The following TENT2 variants were observed in gnomAD, a reference collection of about 807,000 sequenced individuals.
TENT2 encodes poly(A) RNA polymerase GLD2.
TENT2 carries 44 observed loss-of-function variants against 72.2 expected under a neutral mutation model. The ratio of observed to expected loss-of-function variants is 0.61; its 90% CI spans 0.48 to 0.78. The LOEUF (loss-of-function observed/expected upper bound fraction) is 0.78. TENT2 is among the 30% of genes least tolerant of loss of function. TENT2 has a pLI of 0.00. For missense variants in TENT2, 541 were observed against 569.6 expected, an observed-to-expected ratio of 0.95 and a Z score of 0.51; for synonymous variants, 212 against 192.5, an observed-to-expected ratio of 1.10 and a Z score of -0.84.
chr5:79,641,007 C>T (rs1784025782), intron 5 of TENT2, 42 bp downstream of exon 5: 6 of 1,490,760 alleles, frequency 4.0e-6, no homozygotes, highest in Non-Finnish European at 5.4e-6. Context: ...TATATGCATT[C>T]CTATTTTAAA....
intron 1 of TENT2, among the ~76,000 whole-genome samples, chr5:79,619,194 T>G (rs530033066): frequency 1.3e-5 from 2 of 152,326 alleles, no homozygotes; most frequent in East Asian, 3.9e-4. Flanking sequence ...CCATTCCTTA[T>G]TTGATCAGAC....
intron 14 of TENT2, among the ~76,000 whole-genome samples, chr5:79,684,628 T>G (rs1319221106): frequency 6.6e-6 from 1 of 152,234 alleles, no homozygotes; most frequent in Non-Finnish European, 1.5e-5. Context: ...GAAATAATCC[T>G]CTCTTCTCAA....
At chr5:79,618,968 C>T (rs1171010690) in intron 1 of TENT2, among the ~76,000 whole-genome samples, 1 of 152,124 alleles carries the variant, frequency 6.6e-6, no homozygotes, top group African/African-American at 2.4e-5. Context: ...TTACTTTATC[C>T]TATCCTTTGC....
chr5:79,641,063 T>C, intron 5 of TENT2, 42 bp from the exon 6 acceptor site: 1 of 1,523,940 alleles, frequency 6.6e-7, no homozygotes, highest in Non-Finnish European at 8.8e-7. Context: ...TGCACCTACT[T>C]TAGATTTTAA....
At chr5:79,621,943 T>C (rs2149972563) in intron 3 of TENT2, among the ~76,000 whole-genome samples, 1 of 152,204 alleles carries the variant, frequency 6.6e-6, no homozygotes, top group South Asian at 2.1e-4. Flanking sequence ...TGAGTAGGGG[T>C]TCCACTTATT....
intron 7 of TENT2, among the ~76,000 whole-genome samples, chr5:79,644,095 C>G (rs753480142): frequency 1.3e-5 from 2 of 151,866 alleles, no homozygotes; most frequent in Non-Finnish European, 2.9e-5. Context: ...GATTCTCATG[C>G]CTCAGCCTCC....
At chr5:79,672,114 CAAA>C (rs1813414920) in intron 12 of TENT2, among the ~76,000 whole-genome samples, 1 of 146,170 alleles carries the variant, frequency 6.8e-6, no homozygotes, top group South Asian at 2.1e-4. Flanking sequence ...AAAAAAAAAA[CAAA>C]AAACTATTTT....
chr5:79,654,372 A>G (rs1343430445), intron 10 of TENT2, among the ~76,000 whole-genome samples: 1 of 152,168 alleles, frequency 6.6e-6, no homozygotes, highest in African/African-American at 2.4e-5. Flanking sequence ...CGGAGGTTGC[A>G]GTGAGCCTAG....
chr5:79,664,674 G>C (rs1372902678), intron 11 of TENT2, among the ~76,000 whole-genome samples: 1 of 151,688 alleles, frequency 6.6e-6, no homozygotes, highest in East Asian at 1.9e-4. Context: ...TTTAAAGTTG[G>C]CACTACCTGA....
Position 79,623,378 on chromosome 5 carries a change from A to T in TENT2, c.354A>T (p.Pro118=). The T allele has an allele frequency of 6.2e-7, 1 of 1,613,626 alleles. No homozygotes were observed. ...CAGGTGAACGAAGATACTCAATGCC[A>T]CCATTGTTTCATACACATTATGTAC... ...PLSGERRYSM[P]PLFHTHYVPD... is the part of the protein sequence containing the mutation. The change falls in exon 4 of 15, where the codon CCA becomes CCT. Residue 118 remains proline, a synonymous_variant. Transcript: ENST00000453514.
intron 4 of TENT2, among the ~76,000 whole-genome samples, chr5:79,626,689 T>A (rs944955688): frequency 7.3e-5 from 11 of 150,570 alleles, no homozygotes; most frequent in African/African-American, 2.7e-4. Flanking sequence ...CTTGAACTCC[T>A]GGCCTCAAGT....
intron 11 of TENT2, among the ~76,000 whole-genome samples, chr5:79,666,078 TC>T (rs1056112300): frequency 2.6e-5 from 4 of 151,332 alleles, no homozygotes; most frequent in African/African-American, 9.7e-5. Context: ...AACCTCCACC[TC>T]CCGGATTCAA....
At chr5:79,624,073 C>G (rs1037736194) in intron 4 of TENT2, among the ~76,000 whole-genome samples, 1 of 152,164 alleles carries the variant, frequency 6.6e-6, no homozygotes, top group Non-Finnish European at 1.5e-5. Context: ...AAACATATCT[C>G]TCCTCTCCCC....
chr5:79,631,577 G>T (rs1176421597), intron 4 of TENT2, among the ~76,000 whole-genome samples: 1 of 152,200 alleles, frequency 6.6e-6, no homozygotes, highest in Non-Finnish European at 1.5e-5. Flanking sequence ...GTTGAAATCG[G>T]TTGAGGAAAG....
chr5:79,641,313 GT>G, intron 6 of TENT2, 117 bp downstream of exon 6: 1 of 825,964 alleles, frequency 1.2e-6, no homozygotes, highest in Non-Finnish European at 1.8e-6. Context: ...TTTGAATTTT[GT>G]TTACCATAAT....
chr5:79,629,381 A>G (rs1322584137), intron 4 of TENT2, among the ~76,000 whole-genome samples: 1 of 152,242 alleles, frequency 6.6e-6, no homozygotes, highest in Non-Finnish European at 1.5e-5. Context: ...AACAAAAGTG[A>G]CAGTTGAAAC....
chr5:79,625,834 G>GTT (rs11323205), intron 4 of TENT2, among the ~76,000 whole-genome samples: 34 of 144,728 alleles, frequency 2.3e-4, no homozygotes, highest in African/African-American at 7.0e-4. Flanking sequence ...TTAGTTAGCT[G>GTT]TTTTTTTTTT....
chr5:79,667,156 G>C (rs62365233), intron 11 of TENT2, among the ~76,000 whole-genome samples: 30,807 of 152,022 alleles, frequency 0.2, 4,603 homozygotes, highest in African/African-American at 0.42. Flanking sequence ...ACAAAATAAA[G>C]ATTTTAAAGG....
At chr5:79,655,915 A>G (rs1797621806) in intron 10 of TENT2, among the ~76,000 whole-genome samples, 1 of 151,934 alleles carries the variant, frequency 6.6e-6, no homozygotes, top group Non-Finnish European at 1.5e-5. Context: ...ATACCCTTTT[A>G]ATTATAGTTG....
Sources: gnomAD v4.1 joint callset for allele counts (sites outside exome capture counted in the v4.1 genomes callset) on GRCh38, gnomAD v4.1.1 for gene constraint, MANE v1.5 for transcripts, NCBI Gene and HGNC (gene_info 2026-07-23, HGNC 2026-07-21) for gene names.